Variants in CSMD1 observed in about 807,000 individuals in gnomAD.
CSMD1 encodes CUB and sushi domain-containing protein 1.
Under a neutral mutation model 417.5 loss-of-function variants are expected in CSMD1, and 213 were observed. That is an observed-to-expected ratio of 0.51 (90% CI 0.46 to 0.57). The LOEUF (loss-of-function observed/expected upper bound fraction) is 0.57, where lower values mean the gene tolerates loss of function less well. CSMD1 is among the 20% of genes least tolerant of loss of function. The probability of loss-of-function intolerance (pLI) is 0.00; values close to 1 mark genes in which losing one functional copy is unlikely to be tolerated. For missense variants in CSMD1, 6,923 were observed against 4,529.7 expected (o/e 1.53, Z -15.17); for synonymous variants, 2,862 against 1,736.8 (o/e 1.65, Z -16.11).
chr8:4,645,861 T>C (rs541216892), intron 1 of CSMD1, among the ~76,000 whole-genome samples: 2 of 152,150 alleles, frequency 1.3e-5, no homozygotes, highest in Admixed American at 6.5e-5. Context: ...CACGCCTGCA[T>C]GTGCTCCTCC....
intron 5 of CSMD1, among the ~76,000 whole-genome samples, chr8:3,841,827 G>C (rs1474041372): frequency 6.6e-6 from 1 of 151,922 alleles, no homozygotes; most frequent in African/African-American, 2.4e-5. Context: ...TCAAAGCACC[G>C]AGACTTTGCA....
At chr8:4,782,203 G>C (rs1797185681) in intron 1 of CSMD1, among the ~76,000 whole-genome samples, 1 of 152,138 alleles carries the variant, frequency 6.6e-6, no homozygotes, top group Non-Finnish European at 1.5e-5. Flanking sequence ...GCACAGTAGA[G>C]TGACTCTGCT....
chr8:3,026,280 G>C (rs1039139600), intron 51 of CSMD1, among the ~76,000 whole-genome samples: 11 of 151,992 alleles, frequency 7.2e-5, no homozygotes, highest in Admixed American at 2.0e-4. Context: ...ACACCACAAG[G>C]ACATGAACTC....
intron 12 of CSMD1, among the ~76,000 whole-genome samples, chr8:3,458,563 T>G (rs1024372594): frequency 6.6e-6 from 1 of 152,232 alleles, no homozygotes. Flanking sequence ...CTTGTTTGTT[T>G]TAATATCGTT....
At chr8:4,201,821 G>C (rs1280865245) in intron 3 of CSMD1, among the ~76,000 whole-genome samples, 2 of 147,696 alleles carry the variant, frequency 1.4e-5, no homozygotes, top group African/African-American at 5.1e-5. Flanking sequence ...AAATTCTTCA[G>C]TGCTCCTTAT....
chr8:3,288,009 T>C (rs1053089787), intron 25 of CSMD1, among the ~76,000 whole-genome samples: 1 of 147,412 alleles, frequency 6.8e-6, no homozygotes, highest in Non-Finnish European at 1.5e-5. Flanking sequence ...GTTTTTAGCA[T>C]GAAAGGTTGT....
At chr8:4,915,670 GCGCC>G (rs1288370043) in intron 1 of CSMD1, among the ~76,000 whole-genome samples, 1 of 152,222 alleles carries the variant, frequency 6.6e-6, no homozygotes, top group Non-Finnish European at 1.5e-5. Flanking sequence ...GGGAACGTTA[GCGCC>G]CGGCGGCAGT....
At chr8:3,903,540 G>C (rs1019840589) in intron 5 of CSMD1, among the ~76,000 whole-genome samples, 4 of 152,130 alleles carry the variant, frequency 2.6e-5, no homozygotes, top group African/African-American at 9.7e-5. Flanking sequence ...CCGGCATTTT[G>C]TCCTGTTTCT....
intron 3 of CSMD1, among the ~76,000 whole-genome samples, chr8:4,259,750 A>G (rs1803739695): frequency 1.3e-5 from 2 of 152,190 alleles, no homozygotes; most frequent in Admixed American, 1.3e-4. Flanking sequence ...CATGTATTTC[A>G]TAAACCCTAA....
At chr8:4,298,831 A>C (rs1797826074) in intron 3 of CSMD1, among the ~76,000 whole-genome samples, 1 of 152,076 alleles carries the variant, frequency 6.6e-6, no homozygotes, top group Admixed American at 6.6e-5. Context: ...CTTAAAGTAT[A>C]ATAAAAAATT....
intron 1 of CSMD1, among the ~76,000 whole-genome samples, chr8:4,655,466 T>C (rs1181438017): frequency 6.6e-6 from 1 of 152,176 alleles, no homozygotes; most frequent in Non-Finnish European, 1.5e-5. Flanking sequence ...GGATTCTGGC[T>C]TATTTTTTGG....
chr8:4,258,915 G>C (rs926900103), intron 3 of CSMD1, among the ~76,000 whole-genome samples: 1 of 152,124 alleles, frequency 6.6e-6, no homozygotes, highest in Non-Finnish European at 1.5e-5. Flanking sequence ...TTTGTTCTAA[G>C]ACTATGTTAT....
intron 3 of CSMD1, among the ~76,000 whole-genome samples, chr8:4,129,924 A>C (rs1374808588): frequency 6.6e-6 from 1 of 152,052 alleles, no homozygotes; most frequent in Non-Finnish European, 1.5e-5. Flanking sequence ...TAATTTTAAC[A>C]ATTATATATT....
At chr8:3,104,875 T>C (rs1007745037) in intron 46 of CSMD1, among the ~76,000 whole-genome samples, 1 of 152,092 alleles carries the variant, frequency 6.6e-6, no homozygotes, top group East Asian at 1.9e-4. Flanking sequence ...GCCCAGTTAA[T>C]TTTGTATTTT....
intron 49 of CSMD1, among the ~76,000 whole-genome samples, chr8:3,079,405 G>A (rs1212754409): frequency 5.9e-5 from 9 of 152,118 alleles, no homozygotes; most frequent in African/African-American, 2.2e-4. Flanking sequence ...CTATTTAAAT[G>A]TAAGTTTCTA....
chr8:4,430,945 G>C (rs1797837987), intron 2 of CSMD1, among the ~76,000 whole-genome samples: 1 of 152,114 alleles, frequency 6.6e-6, no homozygotes. Flanking sequence ...TTCACTACTA[G>C]AATTTTTATA....
chr8:3,809,489 C>G (rs1337232637), intron 5 of CSMD1, among the ~76,000 whole-genome samples: 6 of 152,148 alleles, frequency 3.9e-5, no homozygotes. Flanking sequence ...CTGCGTGATC[C>G]TTCAGTTTCC....
chr8:4,962,488 G>C (rs924075589), intron 1 of CSMD1, among the ~76,000 whole-genome samples: 1 of 152,112 alleles, frequency 6.6e-6, no homozygotes, highest in East Asian at 1.9e-4. Flanking sequence ...TGAGATTCCA[G>C]GCATGTCCCA....
At position 4,414,906 on chromosome 8, in the gene CSMD1, G is replaced by C. The variant is rs926811662; in HGVS notation, c.415+5047C>G. ...TACTGGCTTCCATTAAGTGCTCTGG[G>C]AATTCAGAATTCATTTAATCCATGT... On this transcript the variant is annotated intron_variant, in intron 3 of 69. Coordinates refer to ENST00000635120, the MANE Select transcript of CSMD1 (RefSeq NM_033225.6). 7.2e-5 allele frequency among the ~76,000 whole-genome samples: 11 copies of C among 152,208 alleles called. No homozygotes were observed. The East Asian group carries it at 2.1e-3, about 29-fold the overall frequency.
Sources: allele counts gnomAD v4.1 joint callset (sites outside exome capture counted in the v4.1 genomes callset), GRCh38; gene constraint gnomAD v4.1.1; transcripts MANE v1.5; gene names NCBI Gene and HGNC (gene_info 2026-07-23, HGNC 2026-07-21).